Variants in STXBP5L observed in about 807,000 individuals in gnomAD.
The protein encoded by STXBP5L is syntaxin binding protein 5L.
In STXBP5L, 65 loss-of-function variants were observed where a neutral mutation model predicts 144.5. That is an observed-to-expected ratio of 0.45 (90% CI 0.37 to 0.55). The LOEUF (loss-of-function observed/expected upper bound fraction) is 0.55, where lower values mean the gene tolerates loss of function less well. STXBP5L is among the 20% of genes least tolerant of loss of function. STXBP5L has a pLI of 0.00. For missense variants in STXBP5L, 1,298 were observed against 1,405.5 expected, an observed-to-expected ratio of 0.92 and a Z score of 1.22; for synonymous variants, 505 against 469.6, an observed-to-expected ratio of 1.08 and a Z score of -0.97.
chr3:121,112,476 A>C (rs1365799562), intron 5 of STXBP5L, among the ~76,000 whole-genome samples: 1 of 151,602 alleles, frequency 6.6e-6, no homozygotes, highest in East Asian at 1.9e-4. Flanking sequence ...CCAACTGCCT[A>C]TTCAGTCCCA....
chr3:121,335,489 C>G (rs2044473984), intron 20 of STXBP5L, among the ~76,000 whole-genome samples: 1 of 152,086 alleles, frequency 6.6e-6, no homozygotes, highest in Non-Finnish European at 1.5e-5. Flanking sequence ...CCCAAATAAC[C>G]AAGGCAATTT....
chr3:121,118,037 G>A (rs1425673630), intron 6 of STXBP5L, among the ~76,000 whole-genome samples: 1 of 151,554 alleles, frequency 6.6e-6, no homozygotes, highest in Non-Finnish European at 1.5e-5. Flanking sequence ...ATTTGAGCAT[G>A]AAATTTATAA....
At chr3:120,956,300 A>C (rs1409086553) in intron 3 of STXBP5L, among the ~76,000 whole-genome samples, 1 of 151,360 alleles carries the variant, frequency 6.6e-6, no homozygotes, top group Admixed American at 6.6e-5. Flanking sequence ...TAAAACTGAA[A>C]CTCTACACCC....
chr3:121,273,126 C>T (rs2050777754), intron 18 of STXBP5L, among the ~76,000 whole-genome samples: 1 of 151,954 alleles, frequency 6.6e-6, no homozygotes, highest in African/African-American at 2.4e-5. Context: ...TATATGATTT[C>T]ATGTTACTAA....
intron 19 of STXBP5L, among the ~76,000 whole-genome samples, chr3:121,285,729 C>T (rs1398253814): frequency 1.3e-5 from 2 of 152,192 alleles, no homozygotes; most frequent in South Asian, 4.2e-4. Flanking sequence ...TTATTAGCTA[C>T]TTCATACATT....
At position 121,342,348 on chromosome 3, in the gene STXBP5L, T is replaced by G. The variant is rs143824316; in HGVS notation, c.2176+23808T>G. Among the ~76,000 whole-genome samples the G allele has an allele frequency of 6.2e-4, 95 of 152,176 alleles. No homozygotes were observed. In the East Asian group the frequency reaches 9.8e-3, roughly 16 times the overall value. The stretch of plus-strand genomic sequence containing the variant: ...ATTAGGAATTATACTAGAATACTAT[T>G]TTTTTATTATTATTATACTTTAAGT... On this transcript the variant is annotated intron_variant, in intron 20 of 26. Coordinates refer to ENST00000471454, the MANE Select transcript of STXBP5L (RefSeq NM_001308330.2).
At chr3:120,929,038 T>C (rs1709784884) in intron 2 of STXBP5L, among the ~76,000 whole-genome samples, 1 of 152,072 alleles carries the variant, frequency 6.6e-6, no homozygotes, top group Non-Finnish European at 1.5e-5. Flanking sequence ...ATGTTCTTAT[T>C]GTAAGTTGTT....
intron 20 of STXBP5L, among the ~76,000 whole-genome samples, chr3:121,332,191 C>T (rs1348297609): frequency 6.6e-6 from 1 of 150,838 alleles, no homozygotes. Context: ...TATGACAAAA[C>T]AAGATACTGT....
intron 1 of STXBP5L, among the ~76,000 whole-genome samples, chr3:120,908,930 C>A (rs79257743): frequency 2.0e-5 from 3 of 151,926 alleles, no homozygotes; most frequent in Non-Finnish European, 4.4e-5. Context: ...TCCTCCCCCC[C>A]TCCCCGGCAG....
chr3:121,119,812 T>C (rs1399706598), intron 6 of STXBP5L, among the ~76,000 whole-genome samples: 3 of 151,330 alleles, frequency 2.0e-5, no homozygotes, highest in Non-Finnish European at 3.0e-5. Context: ...ACTTTTGATG[T>C]GTTCTATGTT....
chr3:121,074,316 G>T (rs759344298), intron 5 of STXBP5L, among the ~76,000 whole-genome samples: 1 of 152,186 alleles, frequency 6.6e-6, no homozygotes, highest in Admixed American at 6.5e-5. Flanking sequence ...GGGCACAATG[G>T]CATATAATGT....
At chr3:121,031,007 T>C (rs1240511344) in intron 3 of STXBP5L, among the ~76,000 whole-genome samples, 2 of 152,104 alleles carry the variant, frequency 1.3e-5, no homozygotes, top group East Asian at 1.9e-4. Flanking sequence ...TGTGGATGTA[T>C]TGACACTCTT....
intron 5 of STXBP5L, among the ~76,000 whole-genome samples, chr3:121,110,196 G>T (rs1246880803): frequency 6.6e-6 from 1 of 152,080 alleles, no homozygotes; most frequent in Non-Finnish European, 1.5e-5. Flanking sequence ...GGGGCATTTA[G>T]CTCATTTACA....
At chr3:121,212,345 A>G (rs1392733591) in intron 10 of STXBP5L, among the ~76,000 whole-genome samples, 2 of 152,142 alleles carry the variant, frequency 1.3e-5, no homozygotes, top group Admixed American at 6.5e-5. Flanking sequence ...TTATGGTTTT[A>G]GGTCTTAAGT....
At chr3:121,232,170 C>T (rs1045806201) in intron 11 of STXBP5L, among the ~76,000 whole-genome samples, 1 of 152,194 alleles carries the variant, frequency 6.6e-6, no homozygotes, top group Non-Finnish European at 1.5e-5. Flanking sequence ...AAACCCTAAA[C>T]TTGACACATA....
intron 19 of STXBP5L, among the ~76,000 whole-genome samples, chr3:121,311,689 AAG>A (rs1215504235): frequency 2.0e-5 from 3 of 152,248 alleles, no homozygotes; most frequent in African/African-American, 4.8e-5. Context: ...AATGAAATAA[AAG>A]AAGATACAAA....
intron 9 of STXBP5L, among the ~76,000 whole-genome samples, chr3:121,193,063 A>T (rs2047765959): frequency 7.0e-6 from 1 of 143,002 alleles, no homozygotes; most frequent in East Asian, 2.9e-4. Context: ...AAATTTTTAC[A>T]ATCTACCTAT....
At position 121,136,048 on chromosome 3, in the gene STXBP5L, C is replaced by G. The variant is rs921944461; in HGVS notation, c.669+14344C>G. ...CAGTGCCCTTAGGCCCTGAAGAAAC[C>G]TCAGTGGCAGGCAGATTATAGCTGC... On this transcript the variant is annotated intron_variant, in intron 7 of 26. Coordinates refer to ENST00000471454, the MANE Select transcript of STXBP5L (RefSeq NM_001308330.2). Among the ~76,000 whole-genome samples the G allele has an allele frequency of 4.6e-5, 7 of 152,196 alleles. 1 individual carries two copies. Among genetic ancestry groups the G allele is most frequent in the Admixed American group, 3.9e-4 (6 of 15,286 alleles).
At chr3:121,201,877 T>C (rs2048152912) in intron 9 of STXBP5L, among the ~76,000 whole-genome samples, 1 of 152,178 alleles carries the variant, frequency 6.6e-6, no homozygotes, top group African/African-American at 2.4e-5. Context: ...TGCCTCAGCC[T>C]CCCGAGTAGA....
Sources: gnomAD v4.1 joint callset for allele counts (sites outside exome capture counted in the v4.1 genomes callset) on GRCh38, gnomAD v4.1.1 for gene constraint, MANE v1.5 for transcripts, NCBI Gene and HGNC (gene_info 2026-07-23, HGNC 2026-07-21) for gene names.